Variants in SLC71A2 observed in about 807,000 individuals in gnomAD.
SLC71A2 encodes hippocampus abundant transcript-like 1.
the SLC71A2 span, among the ~76,000 whole-genome samples, chr9:94,412,318 G>T: frequency 6.0e-3 from 911 of 152,290 alleles, 7 homozygotes; most frequent in African/African-American, 0.02. Context: ...GACATAAGAT[G>T]AAGTATTTTT....
At chr9:94,405,612 C>T in the SLC71A2 span, among the ~76,000 whole-genome samples, 33 of 152,146 alleles carry the variant, frequency 2.2e-4, 1 homozygote, top group African/African-American at 6.5e-4. Context: ...GAAATACAGG[C>T]ACACACCACC....
At chr9:94,459,178 C>T in the SLC71A2 span, 1 of 1,613,834 alleles carries the variant, frequency 6.2e-7, no homozygotes, top group Non-Finnish European at 8.5e-7. Context: ...TCATCCCAGG[C>T]CCGCCGTTTT....
chr9:94,457,293 A>G, the SLC71A2 span, among the ~76,000 whole-genome samples: 1 of 152,020 alleles, frequency 6.6e-6, no homozygotes. Flanking sequence ...CCATGGCTAG[A>G]TTTAATCTCT....
the SLC71A2 span, among the ~76,000 whole-genome samples, chr9:94,417,653 ACT>A: frequency 6.6e-6 from 1 of 151,524 alleles, no homozygotes; most frequent in Non-Finnish European, 1.5e-5. Flanking sequence ...AAAAAACCCA[ACT>A]CTGTGATAGT....
the SLC71A2 span, among the ~76,000 whole-genome samples, chr9:94,415,724 G>A: frequency 5.3e-5 from 8 of 152,166 alleles, no homozygotes; most frequent in East Asian, 1.9e-4. Context: ...ACAGTTCAGA[G>A]TAGGGTTTGC....
the SLC71A2 span, chr9:94,458,564 C>T: frequency 8.5e-7 from 1 of 1,178,482 alleles, no homozygotes; most frequent in Non-Finnish European, 1.2e-6. Flanking sequence ...TTGTATGTTA[C>T]TATATTTTAT....
the SLC71A2 span, among the ~76,000 whole-genome samples, chr9:94,425,359 G>A: frequency 2.0e-5 from 3 of 152,118 alleles, no homozygotes; most frequent in African/African-American, 7.2e-5. Flanking sequence ...TGTGGTCAAT[G>A]CAATCATAAT....
At chr9:94,456,158 A>G in the SLC71A2 span, 5 of 860,270 alleles carry the variant, frequency 5.8e-6, no homozygotes, top group East Asian at 1.3e-4. Context: ...AGGCATTTGT[A>G]CTTTTGCCAC....
the SLC71A2 span, among the ~76,000 whole-genome samples, chr9:94,454,662 C>A: frequency 6.6e-6 from 1 of 152,104 alleles, no homozygotes; most frequent in South Asian, 2.1e-4. Flanking sequence ...CCGCACCTGG[C>A]CACATATGCT....
chr9:94,390,793 G>A, the SLC71A2 span, among the ~76,000 whole-genome samples: 2 of 152,120 alleles, frequency 1.3e-5, no homozygotes, highest in Admixed American at 6.6e-5. Flanking sequence ...GGAAAGCGTC[G>A]GGTAGTACTG....
At chr9:94,433,815 G>A in the SLC71A2 span, among the ~76,000 whole-genome samples, 2 of 152,040 alleles carry the variant, frequency 1.3e-5, no homozygotes, top group African/African-American at 2.4e-5. Context: ...AACGAATTCA[G>A]AATGGAAAGT....
chr9:94,379,052 C>G, the SLC71A2 span, among the ~76,000 whole-genome samples: 1 of 113,156 alleles, frequency 8.8e-6, no homozygotes, highest in Non-Finnish European at 1.9e-5. Context: ...CTCGTAGGCT[C>G]TTTTCACCTT....
the SLC71A2 span, among the ~76,000 whole-genome samples, chr9:94,422,974 G>T: frequency 7.2e-6 from 1 of 139,240 alleles, no homozygotes; most frequent in African/African-American, 2.6e-5. Context: ...TGCTCTTGTT[G>T]CCTAGGCTGG....
the SLC71A2 span, among the ~76,000 whole-genome samples, chr9:94,397,484 T>G: frequency 1.6e-4 from 10 of 61,626 alleles, no homozygotes; most frequent in African/African-American, 4.4e-4. Context: ...GGGAGAGTGT[T>G]TGGAAAAAAA....
At chr9:94,402,379 C>T in the SLC71A2 span, among the ~76,000 whole-genome samples, 1 of 150,972 alleles carries the variant, frequency 6.6e-6, no homozygotes, top group Non-Finnish European at 1.5e-5. Context: ...TACAGTTCAT[C>T]ATTTTAAAAG....
At chr9:94,378,653 C>T in the SLC71A2 span, among the ~76,000 whole-genome samples, 1 of 151,976 alleles carries the variant, frequency 6.6e-6, no homozygotes, top group Admixed American at 6.6e-5. Flanking sequence ...ACTAATGGAG[C>T]GAGGACTCAC....
At chr9:94,420,930 TAAATG>T in the SLC71A2 span, among the ~76,000 whole-genome samples, 2 of 151,972 alleles carry the variant, frequency 1.3e-5, no homozygotes, top group South Asian at 2.1e-4. Flanking sequence ...AAAAAATAAA[TAAATG>T]AAAGAAATTC....
the SLC71A2 span, among the ~76,000 whole-genome samples, chr9:94,408,248 G>C: frequency 3.3e-5 from 5 of 152,198 alleles, no homozygotes; most frequent in Non-Finnish European, 7.3e-5. Flanking sequence ...TATATCATAA[G>C]TCTAAAGCGA....
At chr9:94,402,127 C>G in the SLC71A2 span, among the ~76,000 whole-genome samples, 1 of 152,122 alleles carries the variant, frequency 6.6e-6, no homozygotes, top group Non-Finnish European at 1.5e-5. Context: ...TCTTTATGAC[C>G]TGTATCTTGT....
Sources: allele counts gnomAD v4.1 joint callset (sites outside exome capture counted in the v4.1 genomes callset), GRCh38; gene constraint gnomAD v4.1.1; transcripts MANE v1.5; gene names NCBI Gene and HGNC (gene_info 2026-07-23, HGNC 2026-07-21).